Variants in ABI2 observed in about 807,000 individuals in gnomAD.
ABI2 encodes the protein abelson interactor 2.
A neutral mutation model predicts 59.2 loss-of-function variants in ABI2; 25 were observed. That is an observed-to-expected ratio of 0.42 (90% CI 0.31 to 0.59). ABI2 has a LOEUF of 0.59. Ranked by LOEUF, ABI2 falls within the 20% of genes least tolerant of loss-of-function variation. The pLI is 0.14. For missense variants in ABI2, 545 were observed against 681.8 expected, an observed-to-expected ratio of 0.80 and a Z score of 2.23; for synonymous variants, 213 against 235.5, an observed-to-expected ratio of 0.90 and a Z score of 0.87.
At chr2:203,364,097 T>C (rs1298542456) in intron 1 of ABI2, among the ~76,000 whole-genome samples, 1 of 150,202 alleles carries the variant, frequency 6.7e-6, no homozygotes, top group Admixed American at 6.6e-5. Flanking sequence ...TCATCTTTTT[T>C]TTTTTTTTAA....
At chr2:203,419,586 C>T (rs1443460355) in intron 11 of ABI2, among the ~76,000 whole-genome samples, 4 of 146,272 alleles carry the variant, frequency 2.7e-5, no homozygotes, top group African/African-American at 1.0e-4. Flanking sequence ...ACCGTGTTAG[C>T]CAGGATGGTC....
At chr2:203,385,152 T>TTTTTTTTTTTTTTTTTTTTTTTTTG in intron 4 of ABI2, among the ~76,000 whole-genome samples, 1 of 51,840 alleles carries the variant, frequency 1.9e-5, no homozygotes, top group East Asian at 2.9e-4. Context: ...TTTTTTTTTT[T>TTTTTTTTTTTTTTTTTTTTTTTTTG]GAGACAGTCT....
At chr2:203,349,953 AC>A (rs1366065528) in intron 1 of ABI2, among the ~76,000 whole-genome samples, 1 of 152,100 alleles carries the variant, frequency 6.6e-6, no homozygotes, top group Admixed American at 6.6e-5. Flanking sequence ...TGTATATTTA[AC>A]CATTTGAGGA....
intron 1 of ABI2, among the ~76,000 whole-genome samples, chr2:203,330,243 G>A (rs2072199294): frequency 6.6e-6 from 1 of 152,038 alleles, no homozygotes; most frequent in South Asian, 2.1e-4. Context: ...CTTCGAAAGA[G>A]GCAGTTGACT....
intron 8 of ABI2, among the ~76,000 whole-genome samples, chr2:203,401,017 G>C (rs929114397): frequency 1.3e-5 from 2 of 151,996 alleles, no homozygotes; most frequent in African/African-American, 4.8e-5. Flanking sequence ...GTTTATTTTA[G>C]AATTTAAAAA....
intron 1 of ABI2, among the ~76,000 whole-genome samples, chr2:203,354,200 C>A (rs570054259): frequency 6.6e-6 from 1 of 152,082 alleles, no homozygotes; most frequent in Non-Finnish European, 1.5e-5. Flanking sequence ...CGCTTCACCA[C>A]GCCCTGCTAA....
At chr2:203,345,694 C>T (rs1029648386) in intron 1 of ABI2, among the ~76,000 whole-genome samples, 3 of 151,200 alleles carry the variant, frequency 2.0e-5, no homozygotes, top group Non-Finnish European at 4.4e-5. Context: ...CAGGCCTGAG[C>T]CACCACGCCC....
intron 5 of ABI2, among the ~76,000 whole-genome samples, chr2:203,391,969 A>G (rs1457686602): frequency 1.3e-5 from 2 of 152,070 alleles, no homozygotes; most frequent in Admixed American, 6.6e-5. Flanking sequence ...ACTTACTGTG[A>G]TTGAGATTTA....
chr2:203,337,025 A>G (rs2076775749), intron 1 of ABI2, among the ~76,000 whole-genome samples: 1 of 152,198 alleles, frequency 6.6e-6, no homozygotes, highest in Admixed American at 6.5e-5. Context: ...CAAGCCTACA[A>G]CTAACATCAT....
intron 9 of ABI2, among the ~76,000 whole-genome samples, chr2:203,408,092 A>G (rs911341797): frequency 3.3e-5 from 5 of 152,210 alleles, no homozygotes; most frequent in African/African-American, 9.6e-5. Context: ...TAGCTTTGAA[A>G]AAAGTCTAAC....
rs148766477 is a variant in ABI2 at position 203,338,908 on chromosome 2, CTG to C, written c.117+10297_117+10298del. Among the ~76,000 whole-genome samples, 597 of 63,960 alleles carry C rather than the reference CTG, an allele frequency of 9.3e-3. 48 individuals are homozygous for C. Among genetic ancestry groups the C allele is most frequent in the African/African-American group, 0.012 (164 of 13,246 alleles). The allele number at this position is 63,960 out of a possible 152,430, so 42.0% of individuals were successfully genotyped here. On this transcript the variant is annotated intron_variant, in intron 1 of 11. Coordinates refer to ENST00000261018, the MANE Select transcript of ABI2 (RefSeq NM_001375670.1). ...CATCTATCTGATAAGGGGTTTATATCTGTGTGTGTGTGTGTGTGTGTATATGT... is the reference window on the plus strand; with the variant it reads ...CATCTATCTGATAAGGGGTTTATATCTGTGTGTGTGTGTGTGTGTATATGT...
chr2:203,369,807 G>C (rs868120001), intron 2 of ABI2, among the ~76,000 whole-genome samples: 1 of 152,128 alleles, frequency 6.6e-6, no homozygotes, highest in East Asian at 1.9e-4. Context: ...TTATTATGTT[G>C]GATAAAGGAT....
chr2:203,356,299 C>T (rs2091935213), intron 1 of ABI2, among the ~76,000 whole-genome samples: 1 of 152,138 alleles, frequency 6.6e-6, no homozygotes, highest in African/African-American at 2.4e-5. Context: ...ATGTCTTAGC[C>T]TCCCAAGTAG....
In ABI2 at chr2:203,427,892, A is replaced by G. The variant is rs2098453575; in HGVS notation, c.*540A>G. 6.6e-6 allele frequency: 1 copy of G among 152,586 alleles called. No homozygotes were observed. Among genetic ancestry groups the G allele is most frequent in the Admixed American group, 6.5e-5 (1 of 15,310 alleles). The allele number at this position is 152,586 out of a possible 1,614,324, so 9.5% of individuals were successfully genotyped here. A position where few individuals can be genotyped will look rare whatever the true frequency, so the allele number is the denominator to read the frequency against. On this transcript the variant is annotated 3_prime_UTR_variant, in exon 12 of 12. Coordinates refer to ENST00000261018, the MANE Select transcript of ABI2 (RefSeq NM_001375670.1). ...TCAGATGGCTTTTTTCCTCTGTGAC[A>G]CTGTAAATTCTGCATTCTCTCAGCA...
At chr2:203,351,579 A>G (rs1445720003) in intron 1 of ABI2, 4 of 435,310 alleles carry the variant, frequency 9.2e-6, no homozygotes, top group South Asian at 6.6e-5. Flanking sequence ...TATGTCATGC[A>G]GGCTGGAATG....
At chr2:203,336,301 T>C (rs926331653) in intron 1 of ABI2, among the ~76,000 whole-genome samples, 2 of 152,182 alleles carry the variant, frequency 1.3e-5, no homozygotes, top group Non-Finnish European at 1.5e-5. Flanking sequence ...TTCACTCTTT[T>C]GGGTAAATTT....
intron 10 of ABI2, among the ~76,000 whole-genome samples, chr2:203,413,354 C>G (rs1299776291): frequency 6.6e-6 from 1 of 152,162 alleles, no homozygotes; most frequent in South Asian, 2.1e-4. Flanking sequence ...TTTGTAGAAA[C>G]AGCAAAATGT....
At chr2:203,339,197 T>C (rs1553535147) in intron 1 of ABI2, among the ~76,000 whole-genome samples, 1 of 151,102 alleles carries the variant, frequency 6.6e-6, no homozygotes, top group Non-Finnish European at 1.5e-5. Flanking sequence ...TTAGGGTGGC[T>C]ATCAAAAGAG....
intron 11 of ABI2, among the ~76,000 whole-genome samples, chr2:203,426,785 TAA>T (rs59683844): frequency 0.13 from 16,816 of 131,852 alleles, 1,731 homozygotes; most frequent in African/African-American, 0.29. Flanking sequence ...AGAAAAGCTT[TAA>T]AAAAAAAAAA....
Sources: allele counts gnomAD v4.1 joint callset (sites outside exome capture counted in the v4.1 genomes callset), GRCh38; gene constraint gnomAD v4.1.1; transcripts MANE v1.5; gene names NCBI Gene and HGNC (gene_info 2026-07-23, HGNC 2026-07-21).